Variants in VDAC1 observed in about 807,000 individuals in gnomAD.
VDAC1 encodes non-selective voltage-gated ion channel VDAC1.
VDAC1 carries 10 observed loss-of-function variants against 34.7 expected under a neutral mutation model. The observed-to-expected ratio is 0.29, with a 90% CI of 0.18 to 0.49. VDAC1 has a LOEUF of 0.49. Among genes scored for constraint, VDAC1 ranks in the 20% least tolerant of loss-of-function variants. The pLI is 0.99. For synonymous variants in VDAC1, 130 were observed against 136.0 expected (o/e 0.96, Z 0.30); for missense variants, 230 against 347.9 (o/e 0.66, Z 2.69).
chr5:133,974,935 A>G (rs1752418522), intron 7 of VDAC1, among the ~76,000 whole-genome samples: 1 of 148,420 alleles, frequency 6.7e-6, no homozygotes, highest in East Asian at 2.0e-4. Flanking sequence ...AGCCTGGGCA[A>G]CAAAGGGAGA....
At chr5:134,095,222 C>T in the VDAC1 span, among the ~76,000 whole-genome samples, 1 of 152,116 alleles carries the variant, frequency 6.6e-6, no homozygotes, top group African/African-American at 2.4e-5. Flanking sequence ...TAACACACAC[C>T]TATAATCCCA....
chr5:133,995,142 G>A (rs1753250233), intron 1 of VDAC1, among the ~76,000 whole-genome samples: 1 of 152,122 alleles, frequency 6.6e-6, no homozygotes, highest in Non-Finnish European at 1.5e-5. Context: ...GAAGTACAAG[G>A]CCACTAAAGA....
the VDAC1 span, among the ~76,000 whole-genome samples, chr5:134,089,415 A>G: frequency 6.6e-6 from 1 of 152,212 alleles, no homozygotes; most frequent in Non-Finnish European, 1.5e-5. Context: ...TTTGCCCCTT[A>G]TCCAATGTGG....
chr5:133,978,167 T>TA (rs1752549442), intron 6 of VDAC1, among the ~76,000 whole-genome samples: 2 of 144,956 alleles, frequency 1.4e-5, no homozygotes, highest in Non-Finnish European at 3.0e-5. Context: ...TTCTAAATTT[T>TA]CTTTTTTTTT....
chr5:133,977,459 T>A (rs1164700728), intron 6 of VDAC1, among the ~76,000 whole-genome samples: 1 of 152,212 alleles, frequency 6.6e-6, no homozygotes, highest in Non-Finnish European at 1.5e-5. Flanking sequence ...CCCTTTCCCT[T>A]CTTCAGTCAT....
rs747596592 is a variant in VDAC1, at chr5:133,991,023, G to A, written c.249C>T (p.Thr83=). The A allele has an allele frequency of 9.3e-6, 15 of 1,614,016 alleles. No homozygotes were observed. Among genetic ancestry groups the A allele is most frequent in the South Asian group, 2.2e-5 (2 of 91,084 alleles). ...TTACCTGATCTTCCACAGTAATCTC[G>A]GTGCCTAGTGTATTGTCGGTATTCC... The part of the protein sequence containing the change: ...EKWNTDNTLG[T]EITVEDQLAR... The change falls in exon 4 of 9, where the codon ACC becomes ACT. Residue 83 remains threonine, a synonymous_variant. Transcript: ENST00000265333.
At chr5:134,082,770 T>C in the VDAC1 span, among the ~76,000 whole-genome samples, 1 of 152,256 alleles carries the variant, frequency 6.6e-6, no homozygotes, top group Non-Finnish European at 1.5e-5. Context: ...TTCTAATGGA[T>C]GCAGTAGTGG....
the VDAC1 span, among the ~76,000 whole-genome samples, chr5:134,112,486 C>A: frequency 1.3e-5 from 2 of 152,212 alleles, no homozygotes; most frequent in Non-Finnish European, 2.9e-5. Context: ...CACAGTCCCA[C>A]TCTCCCTACT....
chr5:133,976,835 G>C (rs991685713), intron 6 of VDAC1, among the ~76,000 whole-genome samples: 2 of 152,174 alleles, frequency 1.3e-5, no homozygotes, highest in African/African-American at 4.8e-5. Flanking sequence ...TTTGAGGTCA[G>C]GAGTTTGAGA....
At chr5:134,042,775 A>ACCATG in the VDAC1 span, among the ~76,000 whole-genome samples, 1 of 152,300 alleles carries the variant, frequency 6.6e-6, no homozygotes, top group African/African-American at 2.4e-5. Context: ...GGCGTGAGCC[A>ACCATG]CCATGCCTGG....
In VDAC1 at chr5:133,980,720, T is replaced by C. The variant is rs1752661406; in HGVS notation, c.551+9A>G. The C allele has an allele frequency of 1.8e-5, 16 of 885,452 alleles. No individual in the cohort carries two copies. Among genetic ancestry groups the C allele is most frequent in the Non-Finnish European group, 2.5e-5 (15 of 593,348 alleles). 54.8% of individuals were successfully genotyped at this position (885,452 alleles called of 1,614,324 possible). On this transcript the variant is annotated intron_variant, in intron 6 of 8. Transcript: ENST00000265333. ...CCCCTCCCACCCTGCTGCCCCCATG[T>C]ACACTTACACATTAGTGTGAAGCTG...
upstream of VDAC1, among the ~76,000 whole-genome samples, chr5:134,007,747 C>T (rs1290938846): frequency 1.3e-5 from 2 of 152,184 alleles, no homozygotes; most frequent in Non-Finnish European, 1.5e-5. Flanking sequence ...GCGAAGTTAA[C>T]GAGGGCTTTT....
At chr5:134,087,822 C>G in the VDAC1 span, among the ~76,000 whole-genome samples, 1 of 149,754 alleles carries the variant, frequency 6.7e-6, no homozygotes, top group Non-Finnish European at 1.5e-5. Flanking sequence ...CGCCACTGCA[C>G]TCCAGTCTGG....
At chr5:134,044,311 T>A in the VDAC1 span, among the ~76,000 whole-genome samples, 2 of 152,304 alleles carry the variant, frequency 1.3e-5, no homozygotes, top group South Asian at 4.1e-4. Flanking sequence ...CCAGCTCCCA[T>A]CATATGCAGG....
the VDAC1 span, among the ~76,000 whole-genome samples, chr5:134,051,944 C>A: frequency 2.6e-5 from 4 of 152,040 alleles, no homozygotes; most frequent in African/African-American, 9.7e-5. Context: ...GTGATCCGCC[C>A]ACCTCAGCCT....
At chr5:134,071,993 A>G in the VDAC1 span, among the ~76,000 whole-genome samples, 3 of 152,042 alleles carry the variant, frequency 2.0e-5, no homozygotes, top group African/African-American at 7.3e-5. The surrounding 1 kb of genome is among the most constrained non-coding windows in gnomAD (Gnocchi z 4.1). Flanking sequence ...TTGGCATCTG[A>G]GGTTGTGTGG....
chr5:134,061,455 T>C, the VDAC1 span, among the ~76,000 whole-genome samples: 1 of 151,430 alleles, frequency 6.6e-6, no homozygotes, highest in Non-Finnish European at 1.5e-5. Flanking sequence ...CACTGCTGCC[T>C]CAACTTCCCA....
At chr5:134,045,492 G>A in the VDAC1 span, among the ~76,000 whole-genome samples, 678 of 152,208 alleles carry the variant, frequency 4.5e-3, 5 homozygotes, top group African/African-American at 0.016. Flanking sequence ...AGCTACCTAC[G>A]TTCCTTGGCT....
At chr5:134,000,789 G>A (rs1348273982) in intron 1 of VDAC1, among the ~76,000 whole-genome samples, 2 of 152,122 alleles carry the variant, frequency 1.3e-5, no homozygotes, top group African/African-American at 2.4e-5. Flanking sequence ...TTGGTAAGCA[G>A]GGAATACACA....
Sources: allele counts gnomAD v4.1 joint callset (sites outside exome capture counted in the v4.1 genomes callset), GRCh38; gene constraint gnomAD v4.1.1; non-coding constraint Gnocchi (gnomAD v3.1); transcripts MANE v1.5; gene names NCBI Gene and HGNC (gene_info 2026-07-23, HGNC 2026-07-21).